The following CACNG3 variants were observed in gnomAD, a reference collection of about 807,000 sequenced individuals.
CACNG3 encodes the protein voltage-dependent calcium channel gamma-3 subunit.
CACNG3 carries 3 observed loss-of-function variants against 28.5 expected under a neutral mutation model. The ratio of observed to expected loss-of-function variants is 0.11; its 90% CI spans 0.05 to 0.27. The LOEUF is 0.27. CACNG3 is among the 10% of genes least tolerant of loss of function. The pLI is 1.00. For missense variants in CACNG3, 236 were observed against 414.4 expected (o/e 0.57, Z 3.74); for synonymous variants, 174 against 162.2 (o/e 1.07, Z -0.55).
rs189459060 is a variant in CACNG3, at chr16:24,359,470, G to T, written c.437-1882G>T. Reference sequence around the variant, plus strand: ...CTTGCTGCCTACCTGCTGAATGTCTGTGCTGGGTACAGCCAAGAGGAGGCA... The same window carrying T: ...CTTGCTGCCTACCTGCTGAATGTCTTTGCTGGGTACAGCCAAGAGGAGGCA... On this transcript the variant is annotated intron_variant, in intron 3 of 3. Coordinates refer to ENST00000005284, the MANE Select transcript of CACNG3 (RefSeq NM_006539.4). 3.9e-5 allele frequency among the ~76,000 whole-genome samples: 6 copies of T among 152,230 alleles called. No individual in the cohort carries two copies. In the East Asian group the frequency reaches 1.2e-3, roughly 29 times the overall value.
At chr16:24,317,627 ACAGACAGAAAG>A (rs1318843399) in intron 1 of CACNG3, among the ~76,000 whole-genome samples, 47 of 44,446 alleles carry the variant, frequency 1.1e-3, no homozygotes, top group Admixed American at 1.5e-3. Context: ...AGAAAGAAAG[ACAGACAGAAAG>A]AAAGAAAAGA....
chr16:24,302,017 G>A (rs147862413), intron 1 of CACNG3, among the ~76,000 whole-genome samples: 1 of 152,220 alleles, frequency 6.6e-6, no homozygotes, highest in Non-Finnish European at 1.5e-5. Flanking sequence ...ATAGGTGAAG[G>A]TTCTAGATCC....
At chr16:24,282,986 A>G (rs2141352020) in intron 1 of CACNG3, among the ~76,000 whole-genome samples, 1 of 152,152 alleles carries the variant, frequency 6.6e-6, no homozygotes, top group Non-Finnish European at 1.5e-5. Context: ...CTCCTGCCTC[A>G]GCCTCCCAAG....
intron 1 of CACNG3, among the ~76,000 whole-genome samples, chr16:24,320,875 A>T (rs561444771): frequency 6.6e-6 from 1 of 152,176 alleles, no homozygotes; most frequent in South Asian, 2.1e-4. Flanking sequence ...GACCACAGGC[A>T]TGCAACACTA....
chr16:24,326,320 C>T (rs1052872302), intron 1 of CACNG3, among the ~76,000 whole-genome samples: 2 of 151,914 alleles, frequency 1.3e-5, no homozygotes, highest in South Asian at 2.1e-4. Context: ...TACAGGCATG[C>T]GCCAGTAGGC....
intron 2 of CACNG3, among the ~76,000 whole-genome samples, chr16:24,349,783 A>G (rs1033086861): frequency 8.5e-5 from 13 of 152,060 alleles, no homozygotes; most frequent in African/African-American, 2.9e-4. Context: ...TTGACCCCCT[A>G]TCTCATCCTG....
chr16:24,316,754 T>C (rs1222702952), intron 1 of CACNG3, among the ~76,000 whole-genome samples: 1 of 152,120 alleles, frequency 6.6e-6, no homozygotes, highest in East Asian at 1.9e-4. Flanking sequence ...AGTGACACGG[T>C]TTGGCCCAGT....
At chr16:24,310,925 A>T (rs530423523) in intron 1 of CACNG3, among the ~76,000 whole-genome samples, 219 of 152,320 alleles carry the variant, frequency 1.4e-3, no homozygotes, top group Admixed American at 4.2e-3. Flanking sequence ...AATTGGCTCC[A>T]GGAAGCTACT....
chr16:24,349,353 C>A (rs1213655537), intron 2 of CACNG3, among the ~76,000 whole-genome samples: 1 of 152,252 alleles, frequency 6.6e-6, no homozygotes, highest in East Asian at 1.9e-4. Flanking sequence ...GGTGAGTCCA[C>A]AAAGTAGAGT....
chr16:24,315,656 TTCTC>T (rs1217978215), intron 1 of CACNG3, among the ~76,000 whole-genome samples: 1 of 151,148 alleles, frequency 6.6e-6, no homozygotes, highest in Non-Finnish European at 1.5e-5. Flanking sequence ...CTCTCTCTCA[TTCTC>T]TCTTTCTTTC....
At chr16:24,353,323 G>A (rs111397475) in intron 2 of CACNG3, among the ~76,000 whole-genome samples, 2,961 of 152,304 alleles carry the variant, frequency 0.019, 95 homozygotes, top group African/African-American at 0.068. Context: ...TATGCCGCTG[G>A]TCCTGCCTGT....
chr16:24,317,599 A>G (rs1295805005), intron 1 of CACNG3, among the ~76,000 whole-genome samples: 8 of 72,220 alleles, frequency 1.1e-4, no homozygotes, highest in Admixed American at 8.9e-4. Flanking sequence ...AGAAAGAAAG[A>G]AAGAAAGAAA....
chr16:24,290,965 T>C lies in CACNG3; in HGVS notation c.211+34000T>C, dbSNP rs188964503. Among the ~76,000 whole-genome samples, 296 of 152,170 alleles carry C rather than the reference T, an allele frequency of 1.9e-3. 1 individual carries two copies. The highest frequency in any genetic ancestry group is 6.8e-3 in the Middle Eastern group (2 of 292). On this transcript the variant is annotated intron_variant, in intron 1 of 3. Coordinates refer to ENST00000005284, the MANE Select transcript of CACNG3 (RefSeq NM_006539.4). ...TCTCCAGTGAAGGCAGATGGCAAAC[T>C]CCCCAAAGCAATACTGCACTGTTCT...
chr16:24,290,394 C>T (rs564537123), intron 1 of CACNG3, among the ~76,000 whole-genome samples: 21 of 152,290 alleles, frequency 1.4e-4, no homozygotes, highest in Admixed American at 9.8e-4. Flanking sequence ...AACTGAGCTT[C>T]CTGGCAGCCC....
At chr16:24,294,747 G>A (rs1192134060) in intron 1 of CACNG3, among the ~76,000 whole-genome samples, 1 of 152,118 alleles carries the variant, frequency 6.6e-6, no homozygotes, top group Non-Finnish European at 1.5e-5. Context: ...GAACAGTGAA[G>A]GGTCATAAGG....
intron 1 of CACNG3, among the ~76,000 whole-genome samples, chr16:24,317,552 G>T (rs1333008508): frequency 1.6e-5 from 1 of 63,222 alleles, no homozygotes; most frequent in South Asian, 5.3e-4. Context: ...AAAAAAAAAA[G>T]AAAAAGAAAG....
At chr16:24,258,859 G>A (rs921239895) in intron 1 of CACNG3, among the ~76,000 whole-genome samples, 2 of 152,178 alleles carry the variant, frequency 1.3e-5, no homozygotes, top group Admixed American at 1.3e-4. Context: ...AATTAAAAAT[G>A]AAGTTTGACG....
intron 2 of CACNG3, among the ~76,000 whole-genome samples, chr16:24,354,451 T>C (rs980817654): frequency 1.3e-5 from 2 of 151,522 alleles, no homozygotes; most frequent in African/African-American, 2.4e-5. Context: ...AGAATGGGCG[T>C]TTGAGAGCCT....
At chr16:24,306,678 C>T (rs530547503) in intron 1 of CACNG3, among the ~76,000 whole-genome samples, 2 of 152,266 alleles carry the variant, frequency 1.3e-5, no homozygotes, top group Admixed American at 1.3e-4. Flanking sequence ...CAGTTTGCAT[C>T]GGGCAGGATA....
Sources: gnomAD v4.1 joint callset for allele counts (sites outside exome capture counted in the v4.1 genomes callset) on GRCh38, gnomAD v4.1.1 for gene constraint, MANE v1.5 for transcripts, NCBI Gene and HGNC (gene_info 2026-07-23, HGNC 2026-07-21) for gene names.